Variants in RBFOX1 observed in about 807,000 individuals in gnomAD.
The protein encoded by RBFOX1 is RNA binding fox-1 homolog 1.
In RBFOX1, 8 loss-of-function variants were observed where a neutral mutation model predicts 57.7. The observed-to-expected ratio is 0.14, with a 90% CI of 0.08 to 0.25. The LOEUF (loss-of-function observed/expected upper bound fraction) is 0.25, where lower values mean the gene tolerates loss of function less well. RBFOX1 is among the 10% of genes least tolerant of loss of function. The pLI is 1.00. For missense variants in RBFOX1, 611 were observed against 548.5 expected (o/e 1.11, Z -1.14); for synonymous variants, 326 against 222.4 (o/e 1.47, Z -4.15).
chr16:7,163,199 G>T (rs2078744110), intron 4 of RBFOX1, among the ~76,000 whole-genome samples: 1 of 151,890 alleles, frequency 6.6e-6, no homozygotes, highest in Non-Finnish European at 1.5e-5. Context: ...GTTTTGACTT[G>T]CCTGAGTTAA....
intron 1 of RBFOX1, among the ~76,000 whole-genome samples, chr16:6,176,006 T>G (rs1230584401): frequency 6.6e-6 from 1 of 152,084 alleles, no homozygotes; most frequent in African/African-American, 2.4e-5. Context: ...TTGGTATTTC[T>G]TTTTCCCACA....
intron 4 of RBFOX1, among the ~76,000 whole-genome samples, chr16:7,346,302 C>T (rs892216313): frequency 2.0e-5 from 3 of 151,734 alleles, no homozygotes; most frequent in Non-Finnish European, 2.9e-5. Context: ...GTGTCAGCAA[C>T]GAGACGTCTA....
chr16:7,089,512 T>A (rs1427279185), intron 4 of RBFOX1, among the ~76,000 whole-genome samples: 8 of 152,226 alleles, frequency 5.3e-5, no homozygotes, highest in Non-Finnish European at 8.8e-5. Flanking sequence ...GTGAACAGAT[T>A]CTGGTTAATT....
At position 5,869,480 on chromosome 16, in the gene RBFOX1, C is replaced by T. The variant is rs2057416820; in HGVS notation, c.351+2145C>T. Among the ~76,000 whole-genome samples the T allele has an allele frequency of 2.0e-5, 3 of 152,182 alleles. No individual in the cohort carries two copies. The South Asian group carries it at 6.2e-4, about 32-fold the overall frequency. The stretch of plus-strand genomic sequence containing the variant: ...ACAGTGGCACAATCTCGGCTCACTG[C>T]AACCTCCGCCTCCCAGGTTCAAGTG... On this transcript the variant is annotated intron_variant, in intron 4 of 19. Coordinates refer to the RBFOX1 transcript ENST00000641259.
At position 5,535,240 on chromosome 16, in the gene RBFOX1, A is replaced by C. The variant is rs115074297; in HGVS notation, c.259-63662A>C. On this transcript the variant is annotated intron_variant, in intron 2 of 2. Coordinates refer to the RBFOX1 transcript ENST00000585867. The stretch of plus-strand genomic sequence containing the variant: ...GCCACGTGTGGCTAGTGTTTACTGC[A>C]ATGAACAGCTCATCAACTCCAAAAT... Among the ~76,000 whole-genome samples, 457 of 152,326 alleles carry C rather than the reference A, an allele frequency of 3.0e-3. 3 individuals carry two copies. The highest frequency in any genetic ancestry group is 0.01 in the African/African-American group (420 of 41,584).
intron 3 of RBFOX1, among the ~76,000 whole-genome samples, chr16:6,780,442 TTA>T (rs1190378849): frequency 8.4e-5 from 10 of 118,932 alleles, no homozygotes; most frequent in African/African-American, 3.4e-4. Context: ...ATAGATATAT[TTA>T]TATATACATT....
intron 1 of RBFOX1, among the ~76,000 whole-genome samples, chr16:6,283,916 T>C (rs1268633445): frequency 6.6e-6 from 1 of 152,218 alleles, no homozygotes; most frequent in Non-Finnish European, 1.5e-5. Context: ...AAGCTGTTCT[T>C]ATTTGGAGGG....
At chr16:5,621,564 T>G (rs928021544) in intron 3 of RBFOX1, among the ~76,000 whole-genome samples, 3 of 152,148 alleles carry the variant, frequency 2.0e-5, no homozygotes, top group Non-Finnish European at 4.4e-5. Flanking sequence ...GAAGGTGGGA[T>G]GTAGGCATCA....
intron 4 of RBFOX1, chr16:7,332,903 C>G (rs898708797): frequency 6.3e-7 from 1 of 1,583,216 alleles, no homozygotes; most frequent in Non-Finnish European, 8.6e-7. Context: ...GGATTTGGCT[C>G]CCAGCTTTGT....
chr16:6,591,350 A>T (rs1423480683), intron 2 of RBFOX1, among the ~76,000 whole-genome samples: 1 of 152,122 alleles, frequency 6.6e-6, no homozygotes, highest in Non-Finnish European at 1.5e-5. Flanking sequence ...GCTACTTGGG[A>T]GGCTGAGGCA....
chr16:7,457,961 G>A (rs1269224255), intron 4 of RBFOX1, among the ~76,000 whole-genome samples: 2 of 152,154 alleles, frequency 1.3e-5, no homozygotes, highest in East Asian at 3.9e-4. Context: ...ATTTGCACAT[G>A]CTGTTTCCTG....
rs77622905 is a variant in RBFOX1, at chr16:6,813,493, T to C, written c.-16+158843T>C. Among the ~76,000 whole-genome samples the C allele has an allele frequency of 6.5e-3, 996 of 152,276 alleles. 50 individuals carry two copies. The East Asian group carries it at 0.12, about 18-fold the overall frequency. The stretch of plus-strand genomic sequence containing the variant: ...TCTTCAGAGACAGGGCCAATGGCTC[T>C]TTCCCCAGCCCTATGCTATGATCTG... On this transcript the variant is annotated intron_variant, in intron 3 of 15. Coordinates refer to ENST00000550418, the MANE Select transcript of RBFOX1 (RefSeq NM_018723.4).
rs67228866 is a variant in RBFOX1 at position 6,640,608 on chromosome 16, CAAATAAAT to C, written c.-63-13973_-63-13966del. On this transcript the variant is annotated intron_variant, in intron 2 of 15. Coordinates refer to ENST00000550418, the MANE Select transcript of RBFOX1 (RefSeq NM_018723.4). ...CAGCGACAGAGTAAGACTCCATTGCCAAATAAATAAATAAATAAATAAATAAATACTAC... is the reference window on the plus strand; with the variant it reads ...CAGCGACAGAGTAAGACTCCATTGCCAAATAAATAAATAAATAAATACTAC... Among the ~76,000 whole-genome samples the C allele has an allele frequency of 3.4e-3, 513 of 151,542 alleles. 1 individual carries two copies. Among genetic ancestry groups the C allele is most frequent in the African/African-American group, 0.012 (482 of 41,096 alleles).
At chr16:5,772,309 T>C (rs75122434) in intron 3 of RBFOX1, among the ~76,000 whole-genome samples, 843 of 152,266 alleles carry the variant, frequency 5.5e-3, no homozygotes, top group Non-Finnish European at 9.2e-3. Context: ...TCCCTCCATG[T>C]AGAGTCTGTA....
At chr16:6,858,387 T>C (rs2058299474) in intron 3 of RBFOX1, among the ~76,000 whole-genome samples, 1 of 152,196 alleles carries the variant, frequency 6.6e-6, no homozygotes. Flanking sequence ...CCTCTCCTTG[T>C]TGGTTTTGTG....
At chr16:7,399,324 G>A (rs545837774) in intron 4 of RBFOX1, among the ~76,000 whole-genome samples, 3 of 152,172 alleles carry the variant, frequency 2.0e-5, no homozygotes, top group Non-Finnish European at 4.4e-5. Flanking sequence ...GCGCATGCCT[G>A]TAATCGCAGC....
At chr16:5,824,033 G>T (rs541500738) in intron 3 of RBFOX1, among the ~76,000 whole-genome samples, 5 of 152,168 alleles carry the variant, frequency 3.3e-5, no homozygotes, top group Non-Finnish European at 7.4e-5. Context: ...AGGCCCTGTA[G>T]CCAGATGGCC....
chr16:5,261,793 G>A (rs1334352212), intron 1 of RBFOX1, among the ~76,000 whole-genome samples: 7 of 152,084 alleles, frequency 4.6e-5, no homozygotes, highest in Non-Finnish European at 8.8e-5. Flanking sequence ...CTCGTGATCC[G>A]CTGGCCTGGG....
chr16:7,092,660 T>C (rs960903613), intron 4 of RBFOX1, among the ~76,000 whole-genome samples: 1 of 152,220 alleles, frequency 6.6e-6, no homozygotes, highest in Non-Finnish European at 1.5e-5. Flanking sequence ...ACAGAGCCTT[T>C]ACGGACTTGG....
Sources: gnomAD v4.1 joint callset for allele counts (sites outside exome capture counted in the v4.1 genomes callset) on GRCh38, gnomAD v4.1.1 for gene constraint, MANE v1.5 for transcripts, NCBI Gene and HGNC (gene_info 2026-07-23, HGNC 2026-07-21) for gene names.